The following RPF2 variants were observed in gnomAD, a reference collection of about 807,000 sequenced individuals.
The protein encoded by RPF2 is brix domain containing 1.
A neutral mutation model predicts 38.9 loss-of-function variants in RPF2; 21 were observed. The ratio of observed to expected loss-of-function variants is 0.54; its 90% confidence interval spans 0.38 to 0.78. RPF2 has a LOEUF of 0.78. Ranked by LOEUF, RPF2 falls within the 30% of genes least tolerant of loss-of-function variation. The pLI is 0.00. For synonymous variants in RPF2, 121 were observed against 126.2 expected (o/e 0.96, Z 0.28); for missense variants, 314 against 358.1 (o/e 0.88, Z 0.99).
chr6:110,995,803 A>G (rs534358040), intron 4 of RPF2, among the ~76,000 whole-genome samples: 1 of 152,142 alleles, frequency 6.6e-6, no homozygotes, highest in East Asian at 1.9e-4. Flanking sequence ...AACCAAATGG[A>G]TAAGATCTCT....
intron 8 of RPF2, among the ~76,000 whole-genome samples, chr6:111,022,813 A>G (rs1772257593): frequency 6.6e-6 from 1 of 152,232 alleles, no homozygotes; most frequent in Admixed American, 6.5e-5. Flanking sequence ...TGAATTGACA[A>G]GTTTTCTAAC....
chr6:110,985,483 CT>C (rs1273150546), intron 2 of RPF2, among the ~76,000 whole-genome samples: 26 of 152,258 alleles, frequency 1.7e-4, no homozygotes, highest in African/African-American at 6.0e-4. Flanking sequence ...CTGCATATTG[CT>C]GTATATTTAG....
At position 111,019,540 on chromosome 6, in the gene RPF2, C is replaced by A. The variant is rs1292722521; in HGVS notation, c.596+3684C>A. Among the ~76,000 whole-genome samples, 4 of 152,008 alleles carry A rather than the reference C, an allele frequency of 2.6e-5. No homozygotes were observed. The East Asian group carries it at 7.7e-4, about 29-fold the overall frequency. Reference sequence around the variant, plus strand: ...TCACCTGAGGTCAGTAGTTCCAGACCAGCCTGGCCAACATGGCATAACACC... The same window carrying A: ...TCACCTGAGGTCAGTAGTTCCAGACAAGCCTGGCCAACATGGCATAACACC... On this transcript the variant is annotated intron_variant, in intron 8 of 9. Coordinates refer to ENST00000441448, the MANE Select transcript of RPF2 (RefSeq NM_032194.3).
chr6:111,020,865 A>G (rs1409327852), intron 8 of RPF2, among the ~76,000 whole-genome samples: 1 of 151,996 alleles, frequency 6.6e-6, no homozygotes, highest in Non-Finnish European at 1.5e-5. Context: ...AAGAGAAAAA[A>G]AAGAATAAAC....
intron 8 of RPF2, among the ~76,000 whole-genome samples, chr6:111,017,766 C>T (rs545206392): frequency 1.4e-5 from 2 of 146,352 alleles, no homozygotes; most frequent in South Asian, 4.4e-4. Flanking sequence ...ACATCCCAGA[C>T]GATGGGCAGC....
chr6:110,989,110 A>G (rs1771573421), intron 3 of RPF2, 45 bp downstream of exon 3: 1 of 1,467,652 alleles, frequency 6.8e-7, no homozygotes, highest in Non-Finnish European at 9.0e-7. Flanking sequence ...ATTTTGTTTC[A>G]TTATAAAAGT....
At position 111,001,836 on chromosome 6, in the gene RPF2, C is replaced by T. The variant is rs117298419; in HGVS notation, c.393+2049C>T. ...TCACTTCCAAAGCAATGAAATACTT[C>T]AGTCATTGTGCAGCTTCTAAACTAG... On this transcript the variant is annotated intron_variant, in intron 6 of 9. Transcript: ENST00000441448. Among the ~76,000 whole-genome samples, 39 of 152,318 alleles carry T rather than the reference C, an allele frequency of 2.6e-4. No individual in the cohort carries two copies. In the East Asian group the frequency reaches 7.1e-3, roughly 28 times the overall value.
At chr6:111,019,661 C>G (rs770979279) in intron 8 of RPF2, among the ~76,000 whole-genome samples, 1 of 151,902 alleles carries the variant, frequency 6.6e-6, no homozygotes, top group African/African-American at 2.4e-5. Context: ...TGCTTGAACC[C>G]GGGAGACAGA....
intron 3 of RPF2, among the ~76,000 whole-genome samples, chr6:110,990,429 G>T (rs1771598340): frequency 6.6e-6 from 1 of 152,008 alleles, no homozygotes; most frequent in Admixed American, 6.6e-5. Context: ...ATTTTCTCAT[G>T]AATTGATTGA....
At chr6:111,004,257 A>C (rs1389867232) in intron 6 of RPF2, among the ~76,000 whole-genome samples, 4 of 151,922 alleles carry the variant, frequency 2.6e-5, no homozygotes, top group African/African-American at 9.7e-5. Flanking sequence ...ATCTCGGCTC[A>C]CTGCAACCTC....
chr6:110,997,283 T>G lies in RPF2; in HGVS notation c.316+19T>G. On this transcript the variant is annotated intron_variant, in intron 5 of 9. Transcript: ENST00000441448. ...GTAATAGGTAAGTATAATTTACTTTTTAATGTTTTCACTGATAGAGTCAAT... is the reference window on the plus strand; with the variant it reads ...GTAATAGGTAAGTATAATTTACTTTGTAATGTTTTCACTGATAGAGTCAAT... 6.9e-7 allele frequency: 1 copy of G among 1,457,482 alleles called. No individual in the cohort carries two copies. Among genetic ancestry groups the G allele is most frequent in the Non-Finnish European group, 9.6e-7 (1 of 1,044,304 alleles). 90.3% of individuals were successfully genotyped at this position (1,457,482 alleles called of 1,614,324 possible).
At chr6:110,995,683 G>A (rs1771699462) in intron 4 of RPF2, among the ~76,000 whole-genome samples, 2 of 152,108 alleles carry the variant, frequency 1.3e-5, no homozygotes, top group African/African-American at 4.8e-5. Flanking sequence ...CAAAGCATGC[G>A]GGATGTGGAG....
intron 7 of RPF2, among the ~76,000 whole-genome samples, chr6:111,009,095 G>A (rs1771968386): frequency 2.0e-5 from 3 of 151,656 alleles, no homozygotes; most frequent in South Asian, 4.2e-4. Flanking sequence ...TCGCTCTGTC[G>A]CCCAAGCTAG....
intron 9 of RPF2, 98 bp from the exon 10 acceptor site, chr6:111,025,305 T>C: frequency 1.3e-6 from 1 of 747,250 alleles, no homozygotes; most frequent in South Asian, 1.8e-5. Context: ...GGGCAGGCAC[T>C]AATGGAAATT....
intron 2 of RPF2, among the ~76,000 whole-genome samples, chr6:110,986,538 T>C (rs1402799167): frequency 1.3e-5 from 2 of 152,126 alleles, no homozygotes; most frequent in African/African-American, 2.4e-5. Context: ...AAAGGTTCGG[T>C]TTGGGACATG....
At chr6:111,009,248 G>A (rs1296351262) in intron 7 of RPF2, among the ~76,000 whole-genome samples, 1 of 152,112 alleles carries the variant, frequency 6.6e-6, no homozygotes, top group Non-Finnish European at 1.5e-5. Context: ...TAGAGATGGA[G>A]TTTCACTGTG....
At chr6:111,011,308 C>T (rs11153269) in intron 7 of RPF2, among the ~76,000 whole-genome samples, 1,817 of 88,146 alleles carry the variant, frequency 0.021, 41 homozygotes, top group East Asian at 0.064. Flanking sequence ...TTCTTTCTTT[C>T]TTTTTTTTTT....
intron 7 of RPF2, among the ~76,000 whole-genome samples, chr6:111,012,645 C>G (rs1488009822): frequency 1.3e-5 from 2 of 151,922 alleles, no homozygotes; most frequent in Middle Eastern, 3.2e-3. Context: ...GAACTTAGGT[C>G]TCTCCAAAGT....
At chr6:111,022,075 A>C (rs1772243802) in intron 8 of RPF2, among the ~76,000 whole-genome samples, 1 of 152,244 alleles carries the variant, frequency 6.6e-6, no homozygotes, top group African/African-American at 2.4e-5. Context: ...ATGGAGTCAG[A>C]GCCATTAATA....
Sources: gnomAD v4.1 joint callset for allele counts (sites outside exome capture counted in the v4.1 genomes callset) on GRCh38, gnomAD v4.1.1 for gene constraint, MANE v1.5 for transcripts, NCBI Gene and HGNC (gene_info 2026-07-23, HGNC 2026-07-21) for gene names.